The following TMCC3 variants were observed in gnomAD, a reference collection of about 807,000 sequenced individuals.
TMCC3 encodes the protein transmembrane and coiled-coil domain protein 3.
TMCC3 carries 28 observed loss-of-function variants against 40.2 expected under a neutral mutation model. That is an observed-to-expected ratio of 0.70 (90% CI 0.52 to 0.95). TMCC3 has a LOEUF of 0.95. Ranked by LOEUF, TMCC3 falls within the 40% of genes least tolerant of loss-of-function variation. The pLI is 0.00. For missense variants in TMCC3, 554 were observed against 615.2 expected (o/e 0.90, Z 1.05); for synonymous variants, 255 against 248.5 (o/e 1.03, Z -0.25).
intron 2 of TMCC3, 111 bp from the exon 3 acceptor site, chr12:94,578,640 T>C (rs1463185113): frequency 3.3e-6 from 4 of 1,213,546 alleles, no homozygotes; most frequent in South Asian, 1.5e-5. Context: ...CATTCCCTGA[T>C]GGGCTGTTTT....
At chr12:94,630,696 G>A (rs1214762872) in intron 1 of TMCC3, among the ~76,000 whole-genome samples, 1 of 152,016 alleles carries the variant, frequency 6.6e-6, no homozygotes. Flanking sequence ...GGTACTTTCT[G>A]CGTATATCTT....
Position 94,645,545 on chromosome 12 carries a change from C to A in TMCC3, c.78+4808G>T, listed in dbSNP as rs148310503. ...CTCTGCCTCCCAGGTTCAAGCGATT[C>A]TCCTGCCTCAGCCTCCCTAGTAGCT... On this transcript the variant is annotated intron_variant, in intron 1 of 3. Transcript: ENST00000261226. 5.9e-3 allele frequency among the ~76,000 whole-genome samples: 894 copies of A among 152,302 alleles called. 13 individuals carry two copies. Among genetic ancestry groups the A allele is most frequent in the African/African-American group, 0.02 (845 of 41,548 alleles).
intron 3 of TMCC3, among the ~76,000 whole-genome samples, chr12:94,575,234 G>A (rs1193929687): frequency 6.6e-6 from 1 of 152,168 alleles, no homozygotes. Context: ...AAGAAAAAAT[G>A]ATGAAGTCAA....
intron 1 of TMCC3, among the ~76,000 whole-genome samples, chr12:94,608,219 G>A (rs550523808): frequency 2.6e-4 from 39 of 152,290 alleles, no homozygotes; most frequent in African/African-American, 8.7e-4. Context: ...AGTGACAAGC[G>A]TAATTAGACA....
At chr12:94,599,074 G>A (rs1006188531) in intron 1 of TMCC3, among the ~76,000 whole-genome samples, 2 of 152,178 alleles carry the variant, frequency 1.3e-5, no homozygotes, top group African/African-American at 2.4e-5. Flanking sequence ...AGATTTCAGA[G>A]CCAGACTGCC....
chr12:94,614,671 T>C (rs2068837635), intron 1 of TMCC3, among the ~76,000 whole-genome samples: 1 of 152,172 alleles, frequency 6.6e-6, no homozygotes, highest in African/African-American at 2.4e-5. Context: ...CTGTCAACTG[T>C]TGCACTCACA....
At position 94,582,385 on chromosome 12, in the gene TMCC3, C is replaced by A. The variant is rs1273780646; in HGVS notation, c.232G>T (p.Val78Leu). ...TGCTCAATTTTTATCTGCTCTGTTA[C>A]CTTTAGAATTTTTTGCTTCAGGCTG... The part of the protein sequence containing the change: ...ADSLKQKILK[V>L]TEQIKIEQTS... Residue 78 changes from valine (V) to leucine (L), a missense_variant, in exon 2 of 4, where the codon GTA becomes TTA. Transcript: ENST00000261226. 6.2e-7 allele frequency: 1 copy of A among 1,613,950 alleles called. No individual in the cohort carries two copies. The highest frequency in any genetic ancestry group is 2.2e-5 in the East Asian group (1 of 44,874).
intron 1 of TMCC3, among the ~76,000 whole-genome samples, chr12:94,594,928 T>C (rs961052113): frequency 2.0e-5 from 3 of 152,224 alleles, no homozygotes; most frequent in Non-Finnish European, 4.4e-5. Flanking sequence ...GAACGAACTC[T>C]ATCAGGCCAT....
At chr12:94,608,027 A>G (rs1458181858) in intron 1 of TMCC3, among the ~76,000 whole-genome samples, 1 of 152,242 alleles carries the variant, frequency 6.6e-6, no homozygotes, top group Non-Finnish European at 1.5e-5. Context: ...TCTGTGTCAG[A>G]GAAACACTTT....
At chr12:94,590,321 G>T (rs2068666169) in intron 1 of TMCC3, among the ~76,000 whole-genome samples, 1 of 139,480 alleles carries the variant, frequency 7.2e-6, no homozygotes, top group African/African-American at 2.7e-5. Context: ...GGCCAGGCTG[G>T]TCTTGTACTC....
intron 1 of TMCC3, among the ~76,000 whole-genome samples, chr12:94,634,449 C>T (rs1434532480): frequency 6.6e-6 from 1 of 152,102 alleles, no homozygotes; most frequent in Admixed American, 6.5e-5. Context: ...ATGGTAGGCT[C>T]ACTTTGCAAA....
In TMCC3 at chr12:94,591,404, ATT is replaced by A. The variant is rs71071790; in HGVS notation, c.79-8868_79-8867del. Among the ~76,000 whole-genome samples the A allele has an allele frequency of 5.6e-4, 84 of 149,100 alleles. No individual in the cohort carries two copies. The South Asian group carries it at 6.8e-3, about 12-fold the overall frequency. On this transcript the variant is annotated intron_variant, in intron 1 of 3. Transcript: ENST00000261226. ...CTGTTATCCTTACAGACAATTTCTG[ATT>A]TTTTTTTTTCTTTAAATTAAAATTG...
intron 1 of TMCC3, among the ~76,000 whole-genome samples, chr12:94,623,936 A>C (rs1203369473): frequency 6.6e-6 from 1 of 152,276 alleles, no homozygotes; most frequent in African/African-American, 2.4e-5. Context: ...AGTAAGAAGG[A>C]ATGTGGCAAG....
At chr12:94,597,279 C>T (rs1477572569) in intron 1 of TMCC3, among the ~76,000 whole-genome samples, 1 of 151,370 alleles carries the variant, frequency 6.6e-6, no homozygotes, top group Non-Finnish European at 1.5e-5. Context: ...TGCTCCCTTG[C>T]ACTCCAGCCT....
At chr12:94,617,485 A>G (rs1451466517) in intron 1 of TMCC3, among the ~76,000 whole-genome samples, 1 of 152,248 alleles carries the variant, frequency 6.6e-6, no homozygotes, top group Non-Finnish European at 1.5e-5. Flanking sequence ...AAGAGATTTA[A>G]TATTTTCCTC....
intron 3 of TMCC3, among the ~76,000 whole-genome samples, chr12:94,574,782 A>G (rs1337896706): frequency 2.0e-5 from 3 of 152,226 alleles, no homozygotes; most frequent in African/African-American, 7.2e-5. Flanking sequence ...GGTTTCCTCT[A>G]TTTTAGGCAT....
In TMCC3 at chr12:94,624,175, T is replaced by G. The variant is rs537734164; in HGVS notation, c.78+26178A>C. On this transcript the variant is annotated intron_variant, in intron 1 of 3. Coordinates refer to ENST00000261226, the MANE Select transcript of TMCC3 (RefSeq NM_020698.4). ...TGGAGAAATCAGAACCCTCATACAC[T>G]GGTAGTGGGAATATAAACTGGTGCA... Among the ~76,000 whole-genome samples the G allele has an allele frequency of 9.1e-4, 138 of 152,312 alleles. 2 individuals carry two copies. The highest frequency in any genetic ancestry group is 1.2e-4 in the Non-Finnish European group (8 of 68,028).
At chr12:94,594,291 A>T (rs2068702310) in intron 1 of TMCC3, among the ~76,000 whole-genome samples, 1 of 151,708 alleles carries the variant, frequency 6.6e-6, no homozygotes, top group Non-Finnish European at 1.5e-5. Context: ...CAGTGATACC[A>T]TCACTAGCTC....
chr12:94,571,055 A>G lies in TMCC3; in HGVS notation c.*380T>C, dbSNP rs957139500. ...TCCTTGCTTTTTATAGGACTCACAG[A>G]AAACAACCATTAGCAATTGTGAAGC... On this transcript the variant is annotated 3_prime_UTR_variant, in exon 4 of 4. Transcript: ENST00000261226. 8.8e-6 allele frequency: 2 copies of G among 225,996 alleles called. No individual in the cohort carries two copies. The highest frequency in any genetic ancestry group is 2.2e-4 in the East Asian group (2 of 9,220). 14.0% of individuals were successfully genotyped at this position (225,996 alleles called of 1,614,324 possible).
Sources: gnomAD v4.1 joint callset for allele counts (sites outside exome capture counted in the v4.1 genomes callset) on GRCh38, gnomAD v4.1.1 for gene constraint, MANE v1.5 for transcripts, NCBI Gene and HGNC (gene_info 2026-07-23, HGNC 2026-07-21) for gene names.